The following LARGE1 variants were observed in gnomAD, a reference collection of about 807,000 sequenced individuals.
LARGE1 encodes the protein LARGE xylosyl- and glucuronyltransferase 1.
Under a neutral mutation model 87.6 loss-of-function variants are expected in LARGE1, and 43 were observed. That is an observed-to-expected ratio of 0.49 (90% CI 0.38 to 0.63). LARGE1 has a LOEUF of 0.63. Ranked by LOEUF, LARGE1 falls within the 30% of genes least tolerant of loss-of-function variation. The pLI is 0.00. For missense variants in LARGE1, 802 were observed against 1,000.2 expected, an observed-to-expected ratio of 0.80 and a Z score of 2.67; for synonymous variants, 434 against 394.6, an observed-to-expected ratio of 1.10 and a Z score of -1.18.
intron 1 of LARGE1, among the ~76,000 whole-genome samples, chr22:33,862,211 G>A (rs957220606): frequency 8.5e-5 from 13 of 152,088 alleles, no homozygotes; most frequent in African/African-American, 2.2e-4. Context: ...GAGAGCTCAC[G>A]GCAAGTGGTG....
intron 1 of LARGE1, among the ~76,000 whole-genome samples, chr22:33,771,026 T>G (rs995973214): frequency 6.6e-6 from 1 of 152,104 alleles, no homozygotes; most frequent in South Asian, 2.1e-4. Flanking sequence ...GTTTAAAATG[T>G]CAATATCCCC....
chr22:33,071,806 G>T, the LARGE1 span, among the ~76,000 whole-genome samples: 1 of 152,166 alleles, frequency 6.6e-6, no homozygotes, highest in East Asian at 1.9e-4. Flanking sequence ...AGGGGCCCAC[G>T]TTTGGGAACT....
intron 6 of LARGE1, among the ~76,000 whole-genome samples, chr22:33,496,322 A>G (rs887287594): frequency 1.3e-5 from 2 of 152,154 alleles, no homozygotes; most frequent in African/African-American, 4.8e-5. Context: ...CCCAGGAACA[A>G]CACTTTCCAT....
chr22:33,819,114 G>A (rs1478767585), intron 1 of LARGE1, among the ~76,000 whole-genome samples: 3 of 152,220 alleles, frequency 2.0e-5, no homozygotes, highest in East Asian at 1.9e-4. Context: ...ATGGAGTGAC[G>A]TCACCAGCAG....
chr22:33,842,965 A>C (rs2063325073), intron 1 of LARGE1, among the ~76,000 whole-genome samples: 1 of 151,828 alleles, frequency 6.6e-6, no homozygotes, highest in African/African-American at 2.4e-5. Flanking sequence ...AAAAAACCAC[A>C]ACACCTACAG....
chr22:33,078,483 A>G, the LARGE1 span, among the ~76,000 whole-genome samples: 1,009 of 152,300 alleles, frequency 6.6e-3, 14 homozygotes, highest in African/African-American at 0.023. Context: ...TATTATACCC[A>G]TTGTATAGGA....
intron 1 of LARGE1, among the ~76,000 whole-genome samples, chr22:33,785,064 GAT>G (rs1171491738): frequency 1.2e-4 from 15 of 129,296 alleles, no homozygotes; most frequent in South Asian, 2.7e-4. Flanking sequence ...TGTGTATATA[GAT>G]ATATGTGTAT....
chr22:33,898,378 T>C (rs2065199461), intron 1 of LARGE1, among the ~76,000 whole-genome samples: 1 of 152,206 alleles, frequency 6.6e-6, no homozygotes, highest in Non-Finnish European at 1.5e-5. Flanking sequence ...TTCCATGAGA[T>C]GCAGAGGGAG....
In LARGE1 at chr22:33,650,283, C is replaced by T. The variant is rs191265111; in HGVS notation, c.408+84G>A. 2.4e-4 allele frequency: 370 copies of T among 1,522,854 alleles called. 7 individuals are homozygous for T. In the Middle Eastern group the frequency reaches 4.3e-3, roughly 18 times the overall value. 94.3% of individuals were successfully genotyped at this position (1,522,854 alleles called of 1,614,324 possible). A position where few individuals can be genotyped will look rare whatever the true frequency, so the allele number is the denominator to read the frequency against. ...AAGAATGCCAGCTCTTGGCATCTGG[C>T]TGTGTTTCCAGGAGGCATTTGCAAG... is the stretch of plus-strand genomic sequence containing the variant. On this transcript the variant is annotated intron_variant, in intron 3 of 14. Transcript: ENST00000397394.
At chr22:33,419,704 GTTTT>G (rs2066626471) in intron 7 of LARGE1, among the ~76,000 whole-genome samples, 1 of 151,972 alleles carries the variant, frequency 6.6e-6, no homozygotes, top group African/African-American at 2.4e-5. Flanking sequence ...TTGTTTGTTT[GTTTT>G]GAGATGGAGT....
chr22:33,196,846 G>A (rs1399074535), intron 11 of LARGE1, among the ~76,000 whole-genome samples: 1 of 152,076 alleles, frequency 6.6e-6, no homozygotes, highest in East Asian at 1.9e-4. Context: ...AGGCCACTAT[G>A]CCTCATGGCT....
At chr22:33,219,371 TG>T (rs1925355226) in intron 11 of LARGE1, among the ~76,000 whole-genome samples, 2 of 152,222 alleles carry the variant, frequency 1.3e-5, no homozygotes, top group East Asian at 3.8e-4. Flanking sequence ...CATGTAGACA[TG>T]GGACCTCACT....
intron 11 of LARGE1, among the ~76,000 whole-genome samples, chr22:33,169,372 G>C (rs1922439089): frequency 6.6e-6 from 1 of 152,068 alleles, no homozygotes; most frequent in Non-Finnish European, 1.5e-5. Context: ...CTTGATGTGG[G>C]TTGCAACTAG....
At chr22:33,442,713 G>C (rs2147836555) in intron 6 of LARGE1, among the ~76,000 whole-genome samples, 1 of 151,966 alleles carries the variant, frequency 6.6e-6, no homozygotes, top group East Asian at 1.9e-4. Context: ...TGTATGGACA[G>C]CTGCCCTATG....
intron 6 of LARGE1, among the ~76,000 whole-genome samples, chr22:33,506,020 T>A (rs1266618111): frequency 3.3e-5 from 5 of 151,988 alleles, no homozygotes; most frequent in African/African-American, 1.2e-4. Flanking sequence ...GTGGCAGCAT[T>A]CCCCAGGCTT....
chr22:33,725,595 C>T (rs2083246604), intron 2 of LARGE1: 1 of 152,222 alleles, frequency 6.6e-6, no homozygotes, highest in Non-Finnish European at 1.5e-5. Flanking sequence ...TCACAATTGT[C>T]CTTTTGCTAA....
chr22:33,307,899 C>A (rs1206610131), intron 11 of LARGE1, among the ~76,000 whole-genome samples: 1 of 152,004 alleles, frequency 6.6e-6, no homozygotes, highest in Non-Finnish European at 1.5e-5. Flanking sequence ...AGGGTCGTCC[C>A]CGTGCAGTTC....
At chr22:33,844,311 A>C (rs149786526) in intron 1 of LARGE1, among the ~76,000 whole-genome samples, 1 of 152,232 alleles carries the variant, frequency 6.6e-6, no homozygotes, top group Non-Finnish European at 1.5e-5. Context: ...AGTCCCAATG[A>C]GACTGTTTGT....
At chr22:33,807,610 TATC>T (rs754598002) in intron 1 of LARGE1, among the ~76,000 whole-genome samples, 26 of 152,228 alleles carry the variant, frequency 1.7e-4, no homozygotes, top group Non-Finnish European at 3.8e-4. Flanking sequence ...TAATTACACA[TATC>T]ATACAGAGTA....
Sources: allele counts gnomAD v4.1 joint callset (sites outside exome capture counted in the v4.1 genomes callset), GRCh38; gene constraint gnomAD v4.1.1; transcripts MANE v1.5; gene names NCBI Gene and HGNC (gene_info 2026-07-23, HGNC 2026-07-21).